COL21A1: variants seen among roughly 807,000 people sequenced by gnomAD.
COL21A1 encodes the protein collagen alpha-1(XXI) chain.
A neutral mutation model predicts 137.9 loss-of-function variants in COL21A1; 149 were observed. The ratio of observed to expected loss-of-function variants is 1.08; its 90% confidence interval spans 0.95 to 1.24. The LOEUF (loss-of-function observed/expected upper bound fraction) is 1.24. Ranked by LOEUF, COL21A1 falls within the 50% of genes most tolerant of loss-of-function variation. The probability of loss-of-function intolerance (pLI) is 0.00; values close to 1 mark genes in which losing one functional copy is unlikely to be tolerated. For synonymous variants in COL21A1, 456 were observed against 391.5 expected (o/e 1.16, Z -1.95); for missense variants, 1,167 against 1,158.4 (o/e 1.01, Z -0.11).
In COL21A1 at chr6:56,273,413, A is replaced by G. The variant is rs74346280; in HGVS notation, c.-38-90757T>C. Among the ~76,000 whole-genome samples, 1,217 of 152,312 alleles carry G rather than the reference A, an allele frequency of 8.0e-3. 20 individuals are homozygous for G. The highest frequency in any genetic ancestry group is 0.028 in the African/African-American group (1,162 of 41,568). On this transcript the variant is annotated intron_variant, in intron 1 of 28. Coordinates refer to the COL21A1 transcript ENST00000370819. ...GAATGAAATTGAGATGCATGCATTC[A>G]TATAAAAGATCAATGAAACCAAAAG...
chr6:56,387,791 T>C (rs966894025), intron 1 of COL21A1, among the ~76,000 whole-genome samples: 4 of 152,202 alleles, frequency 2.6e-5, no homozygotes, highest in African/African-American at 9.6e-5. Context: ...TGGCTCCACC[T>C]TTAGCTGACT....
At chr6:56,313,495 T>G (rs1764659891) in intron 1 of COL21A1, among the ~76,000 whole-genome samples, 3 of 152,202 alleles carry the variant, frequency 2.0e-5, no homozygotes, top group Admixed American at 2.0e-4. Context: ...GCCCTTCTTC[T>G]GGATCACAGA....
chr6:56,379,013 C>A (rs1024959864), intron 1 of COL21A1, among the ~76,000 whole-genome samples: 1 of 152,232 alleles, frequency 6.6e-6, no homozygotes, highest in Admixed American at 6.5e-5. Context: ...AACCACACAG[C>A]GTTACTGGGC....
intron 1 of COL21A1, among the ~76,000 whole-genome samples, chr6:56,321,884 G>A (rs1764877358): frequency 6.6e-6 from 1 of 152,142 alleles, no homozygotes; most frequent in African/African-American, 2.4e-5. Context: ...AGGTGAAAAA[G>A]CTCAATAAGT....
At chr6:56,276,498 TTAAAA>T (rs3031061) in intron 1 of COL21A1, 271,366 of 1,013,978 alleles carry the variant, frequency 0.27, 44,221 homozygotes, top group East Asian at 0.6. Flanking sequence ...GGGGAACAAC[TTAAAA>T]TAAACCAGAA....
chr6:56,297,366 C>T (rs2152336607), intron 1 of COL21A1, among the ~76,000 whole-genome samples: 1 of 152,134 alleles, frequency 6.6e-6, no homozygotes, highest in African/African-American at 2.4e-5. Context: ...TTATTCTCTT[C>T]TGCTTAAATC....
chr6:56,209,430 C>T (rs9367678), intron 1 of COL21A1, among the ~76,000 whole-genome samples: 78,324 of 151,920 alleles, frequency 0.52, 20,318 homozygotes, highest in East Asian at 0.69. Flanking sequence ...AATGAATTTA[C>T]AAGAAAAAAA....
At chr6:56,354,193 G>A (rs547965606) in intron 1 of COL21A1, among the ~76,000 whole-genome samples, 97 of 152,294 alleles carry the variant, frequency 6.4e-4, no homozygotes, top group Admixed American at 5.7e-3. Context: ...AATCTGTGGG[G>A]CTAAAAGTCA....
chr6:56,060,377 A>G, intron 27 of COL21A1, 159 bp from the exon 28 acceptor site: 1 of 665,718 alleles, frequency 1.5e-6, no homozygotes, highest in Non-Finnish European at 2.5e-6. Context: ...TGACTATGGA[A>G]ATATTCATTG....
At chr6:56,218,144 G>A (rs2745369) in intron 1 of COL21A1, among the ~76,000 whole-genome samples, 113,846 of 151,988 alleles carry the variant, frequency 0.75, 43,346 homozygotes, top group African/African-American at 0.88. Context: ...AAATGTTTCT[G>A]GATCACAAAC....
intron 9 of COL21A1, among the ~76,000 whole-genome samples, chr6:56,159,133 C>T (rs1317681020): frequency 6.6e-6 from 1 of 152,074 alleles, no homozygotes; most frequent in Non-Finnish European, 1.5e-5. Context: ...ATAAATTTTC[C>T]TCTTTTTCCA....
Position 56,168,148 on chromosome 6 carries a change from A to G in COL21A1, c.1176T>C (p.Tyr392=), listed in dbSNP as rs1338739595. 6.5e-7 allele frequency: 1 copy of G among 1,530,820 alleles called. No homozygotes were observed. Among genetic ancestry groups the G allele is most frequent in the Non-Finnish European group, 8.8e-7 (1 of 1,134,694 alleles). The allele number at this position is 1,530,820 out of a possible 1,614,324, so 94.8% of individuals were successfully genotyped here. A position where few individuals can be genotyped will look rare whatever the true frequency, so the allele number is the denominator to read the frequency against. ...CCTGAACAGTTTCTTCTTTTCCAGA[A>G]TATTTTCCAATTTGGGTTTGCCCAT... ...LINGQTQIGK[Y]SGKEETVQFD... The change falls in exon 6 of 30, where the codon TAT becomes TAC. Residue 392 remains tyrosine, a synonymous_variant. Transcript: ENST00000244728.
intron 16 of COL21A1, among the ~76,000 whole-genome samples, chr6:56,106,407 T>C (rs905300040): frequency 2.6e-5 from 4 of 152,190 alleles, no homozygotes; most frequent in Non-Finnish European, 4.4e-5. Flanking sequence ...AACTGCTTAC[T>C]CAACTTCTTC....
intron 1 of COL21A1, among the ~76,000 whole-genome samples, chr6:56,294,419 T>C (rs908671057): frequency 6.6e-6 from 1 of 152,158 alleles, no homozygotes; most frequent in African/African-American, 2.4e-5. Flanking sequence ...ACATATTTTT[T>C]GTTTATAATG....
At chr6:56,135,246 T>G (rs2152228353) in intron 12 of COL21A1, among the ~76,000 whole-genome samples, 1 of 151,998 alleles carries the variant, frequency 6.6e-6, no homozygotes, top group East Asian at 1.9e-4. Flanking sequence ...AAACAACAAC[T>G]TATGAAATGC....
At chr6:56,189,887 A>G in intron 1 of COL21A1, among the ~76,000 whole-genome samples, 1 of 152,242 alleles carries the variant, frequency 6.6e-6, no homozygotes, top group East Asian at 1.9e-4. Context: ...TAAGCTAAGG[A>G]GAAATAAAAT....
At chr6:56,191,832 C>T (rs9464353) in intron 1 of COL21A1, among the ~76,000 whole-genome samples, 3,299 of 151,560 alleles carry the variant, frequency 0.022, 124 homozygotes, top group African/African-American at 0.075. Context: ...CTTTTCTTCA[C>T]GGAACTGGAA....
chr6:56,245,954 G>A (rs1049976520), intron 1 of COL21A1, among the ~76,000 whole-genome samples: 7 of 152,194 alleles, frequency 4.6e-5, no homozygotes, highest in Non-Finnish European at 8.8e-5. Flanking sequence ...TGCTGGGATT[G>A]GAGTCATGCC....
intron 17 of COL21A1, chr6:56,077,945 C>T (rs919011251): frequency 6.4e-5 from 25 of 388,504 alleles, no homozygotes; most frequent in African/African-American, 4.0e-4. Flanking sequence ...TCTGATTTAG[C>T]GCAACAGTTC....
Sources: allele counts gnomAD v4.1 joint callset (sites outside exome capture counted in the v4.1 genomes callset), GRCh38; gene constraint gnomAD v4.1.1; transcripts MANE v1.5; gene names NCBI Gene and HGNC (gene_info 2026-07-23, HGNC 2026-07-21).